ADGRV1: variants seen among roughly 807,000 people sequenced by gnomAD.
ADGRV1 encodes the protein G-protein coupled receptor 98.
In ADGRV1, 359 loss-of-function variants were observed where a neutral mutation model predicts 596.2. That is an observed-to-expected ratio of 0.60 (90% CI 0.55 to 0.66). The LOEUF is 0.66. ADGRV1 is among the 30% of genes least tolerant of loss of function. The pLI is 0.00. For synonymous variants in ADGRV1, 2,681 were observed against 2,679.2 expected (o/e 1.00, Z -0.02); for missense variants, 7,274 against 7,575.6 (o/e 0.96, Z 1.48).
chr5:91,158,272 G>C (rs1796637233), intron 89 of ADGRV1, among the ~76,000 whole-genome samples: 2 of 152,146 alleles, frequency 1.3e-5, no homozygotes, highest in Non-Finnish European at 2.9e-5. Flanking sequence ...GCAAAAATGG[G>C]CCTTTGGCAT....
intron 83 of ADGRV1, among the ~76,000 whole-genome samples, chr5:90,933,181 C>CA (rs1290538181): frequency 6.6e-6 from 1 of 152,026 alleles, no homozygotes; most frequent in Non-Finnish European, 1.5e-5. Flanking sequence ...TTGTTTACGG[C>CA]AATGAACATA....
At chr5:91,153,154 G>A (rs1796197860) in intron 88 of ADGRV1, 67 bp from the exon 89 acceptor site, 2 of 1,328,122 alleles carry the variant, frequency 1.5e-6, no homozygotes, top group Non-Finnish European at 1.1e-6. Context: ...TGTCCATTTG[G>A]GTTTCATAGT....
chr5:90,830,479 G>T (rs1764432795), intron 77 of ADGRV1, among the ~76,000 whole-genome samples: 2 of 152,112 alleles, frequency 1.3e-5, no homozygotes, highest in South Asian at 4.2e-4. Flanking sequence ...AAAACCAGAT[G>T]ATAAAAGAGA....
At chr5:91,045,247 A>G (rs1785694672) in intron 85 of ADGRV1, among the ~76,000 whole-genome samples, 1 of 152,132 alleles carries the variant, frequency 6.6e-6, no homozygotes, top group Non-Finnish European at 1.5e-5. Flanking sequence ...AAAGAAGACT[A>G]CGGACCAATA....
chr5:91,081,254 C>G (rs552431175), intron 86 of ADGRV1, among the ~76,000 whole-genome samples: 3 of 152,030 alleles, frequency 2.0e-5, no homozygotes, highest in Non-Finnish European at 4.4e-5. Flanking sequence ...CTCCAAATAC[C>G]ATTGCATTGG....
intron 19 of ADGRV1, among the ~76,000 whole-genome samples, 154 bp downstream of exon 19, chr5:90,652,717 T>C (rs1160274992): frequency 6.6e-6 from 1 of 152,212 alleles, no homozygotes; most frequent in Non-Finnish European, 1.5e-5. Flanking sequence ...ATACCCTTCT[T>C]GTTTCAAGTG....
intron 70 of ADGRV1, among the ~76,000 whole-genome samples, chr5:90,798,177 G>C (rs1248594405): frequency 1.3e-5 from 2 of 152,116 alleles, no homozygotes; most frequent in South Asian, 2.1e-4. Flanking sequence ...TTGACTGCTA[G>C]CCAGACTAAT....
intron 70 of ADGRV1, among the ~76,000 whole-genome samples, chr5:90,796,753 A>G (rs1760760102): frequency 6.6e-6 from 1 of 152,244 alleles, no homozygotes; most frequent in Non-Finnish European, 1.5e-5. Context: ...AGGGAAGCCC[A>G]TCAGACAAAC....
At chr5:90,660,028 C>G (rs1770022492) in intron 21 of ADGRV1, among the ~76,000 whole-genome samples, 1 of 146,264 alleles carries the variant, frequency 6.8e-6, no homozygotes, top group African/African-American at 2.5e-5. Flanking sequence ...GACTCTGTCT[C>G]AGAGAAAAAA....
At chr5:90,597,778 GA>G (rs1380381283) in intron 1 of ADGRV1, among the ~76,000 whole-genome samples, 3 of 152,186 alleles carry the variant, frequency 2.0e-5, no homozygotes, top group Non-Finnish European at 4.4e-5. Context: ...GATAAATTAA[GA>G]GGTAAAATCT....
intron 1 of ADGRV1, among the ~76,000 whole-genome samples, chr5:90,594,558 A>C (rs1393943109): frequency 7.1e-6 from 1 of 140,858 alleles, no homozygotes; most frequent in African/African-American, 2.8e-5. Context: ...GTCATAGGAC[A>C]ATAGTGGAGG....
Position 90,635,123 on chromosome 5 carries a change from G to A in ADGRV1, c.1849G>A (p.Val617Met), listed in dbSNP as rs199988872. The stretch of plus-strand genomic sequence containing the variant: ...TATTTGTTTATTATAGTTGGAAACT[G>A]TGGAGTTGTTAAACATAATTCCTCT... The part of the protein sequence containing the change: ...GAHFLVQLET[V>M]ELLNIIPLIP... Residue 617 changes from valine to methionine, a missense_variant, in exon 10 of 90, where the codon GTG becomes ATG. Transcript: ENST00000405460. 2.6e-4 allele frequency: 416 copies of A among 1,587,524 alleles called. 1 individual carries two copies. Among genetic ancestry groups the A allele is most frequent in the Middle Eastern group, 2.5e-3 (15 of 6,022 alleles).
At chr5:90,732,612 C>G (rs915972476) in intron 50 of ADGRV1, among the ~76,000 whole-genome samples, 6 of 152,162 alleles carry the variant, frequency 3.9e-5, no homozygotes, top group Non-Finnish European at 2.9e-5. Context: ...TCCCCCATTT[C>G]TCTCACGCCC....
At chr5:90,668,905 T>A (rs1772012287) in intron 21 of ADGRV1, among the ~76,000 whole-genome samples, 1 of 152,148 alleles carries the variant, frequency 6.6e-6, no homozygotes, top group Admixed American at 6.5e-5. Context: ...CTCATCTTAG[T>A]CCTAAATGCT....
intron 78 of ADGRV1, among the ~76,000 whole-genome samples, chr5:90,841,461 A>G (rs1448456441): frequency 2.0e-5 from 3 of 152,226 alleles, no homozygotes; most frequent in African/African-American, 4.8e-5. Context: ...ACTTTCACAG[A>G]AAAGAAAAAT....
At chr5:90,898,590 CT>C (rs895519793) in intron 83 of ADGRV1, among the ~76,000 whole-genome samples, 1 of 152,090 alleles carries the variant, frequency 6.6e-6, no homozygotes, top group African/African-American at 2.4e-5. Flanking sequence ...AGTTTCACAG[CT>C]TAATATAGGT....
chr5:90,727,554 T>A (rs1751964890), intron 48 of ADGRV1, among the ~76,000 whole-genome samples: 1 of 152,222 alleles, frequency 6.6e-6, no homozygotes, highest in Admixed American at 6.5e-5. Context: ...TTTCTGATTT[T>A]AAAACCACTC....
rs1758243044 is a variant in ADGRV1, at chr5:90,776,469, T to A, written c.12420T>A (p.Ile4140=). The change falls in exon 61 of 90, where the codon ATT becomes ATA. Residue 4140 remains isoleucine (I), a synonymous_variant. Coordinates refer to ENST00000405460, the MANE Select transcript of ADGRV1 (RefSeq NM_032119.4). ...TGAATTTAGGTAGTGCATCAATAAT[T>A]ATTCGGGGTGATAAGCGAGCATCAG... ...ISPVKGSASI[I]IRGDKRASGE... 6.2e-7 allele frequency: 1 copy of A among 1,612,480 alleles called. No homozygotes were observed. The highest frequency in any genetic ancestry group is 8.5e-7 in the Non-Finnish European group (1 of 1,179,106).
At chr5:91,139,997 C>T (rs1794962648) in intron 87 of ADGRV1, among the ~76,000 whole-genome samples, 1 of 152,186 alleles carries the variant, frequency 6.6e-6, no homozygotes, top group Non-Finnish European at 1.5e-5. Flanking sequence ...TCTTCCTGTT[C>T]ATGTCCTCCA....
Sources: gnomAD v4.1 joint callset for allele counts (sites outside exome capture counted in the v4.1 genomes callset) on GRCh38, gnomAD v4.1.1 for gene constraint, MANE v1.5 for transcripts, NCBI Gene and HGNC (gene_info 2026-07-23, HGNC 2026-07-21) for gene names.